Variants in LDB2 observed in about 807,000 individuals in gnomAD.
The protein encoded by LDB2 is LIM domain binding 2.
In LDB2, 12 loss-of-function variants were observed where a neutral mutation model predicts 44.3. The observed-to-expected ratio is 0.27, with a 90% CI of 0.17 to 0.44. The LOEUF is 0.44. Among genes scored for constraint, LDB2 ranks in the 20% least tolerant of loss-of-function variants. LDB2 has a pLI of 1.00. For missense variants in LDB2, 344 were observed against 473.5 expected (o/e 0.73, Z 2.54); for synonymous variants, 164 against 174.8 (o/e 0.94, Z 0.49).
At chr4:16,771,976 CTCT>C (rs1239385856) in intron 1 of LDB2, among the ~76,000 whole-genome samples, 2 of 152,218 alleles carry the variant, frequency 1.3e-5, no homozygotes, top group African/African-American at 2.4e-5. Context: ...ATGGGACTTT[CTCT>C]TCTTCTTTGC....
At chr4:16,695,205 G>A (rs1207620977) in intron 2 of LDB2, among the ~76,000 whole-genome samples, 2 of 152,032 alleles carry the variant, frequency 1.3e-5, no homozygotes, top group Admixed American at 1.3e-4. Context: ...ACAGTTTTTT[G>A]TCAGAGCTCC....
At chr4:16,697,489 C>G (rs1022153351) in intron 2 of LDB2, among the ~76,000 whole-genome samples, 2 of 151,926 alleles carry the variant, frequency 1.3e-5, no homozygotes, top group African/African-American at 2.4e-5. Flanking sequence ...TCCTAAGGCT[C>G]CCTGTGAAAT....
At chr4:16,715,934 T>A (rs1188768510) in intron 2 of LDB2, among the ~76,000 whole-genome samples, 1 of 152,144 alleles carries the variant, frequency 6.6e-6, no homozygotes, top group Non-Finnish European at 1.5e-5. Context: ...GCAGAGTTTA[T>A]AGCTGGGTCC....
intron 2 of LDB2, among the ~76,000 whole-genome samples, chr4:16,644,252 C>A (rs574118221): frequency 6.6e-6 from 1 of 152,130 alleles, no homozygotes; most frequent in African/African-American, 2.4e-5. Flanking sequence ...AGAATGCCAA[C>A]CAGTGTAGAG....
chr4:16,564,973 C>T (rs184016891), intron 5 of LDB2, among the ~76,000 whole-genome samples: 137 of 152,252 alleles, frequency 9.0e-4, no homozygotes, highest in African/African-American at 3.0e-3. Flanking sequence ...CTGAATTTCT[C>T]GTTTGAATCC....
intron 1 of LDB2, among the ~76,000 whole-genome samples, chr4:16,776,277 G>C (rs1009124342): frequency 6.6e-6 from 1 of 152,176 alleles, no homozygotes; most frequent in Non-Finnish European, 1.5e-5. Context: ...CTTCCAAAGA[G>C]GTCCTACCAG....
intron 2 of LDB2, among the ~76,000 whole-genome samples, chr4:16,733,814 A>G (rs1188743826): frequency 6.6e-6 from 1 of 152,220 alleles, no homozygotes; most frequent in African/African-American, 2.4e-5. Flanking sequence ...CATCAAGGCA[A>G]TAATTAACTT....
chr4:16,764,767 C>A (rs1295233195), intron 1 of LDB2, among the ~76,000 whole-genome samples: 1 of 152,174 alleles, frequency 6.6e-6, no homozygotes, highest in Non-Finnish European at 1.5e-5. Context: ...GGAAGTACCA[C>A]AAAAATGGCC....
At chr4:16,608,687 C>A (rs182622527) in intron 2 of LDB2, among the ~76,000 whole-genome samples, 52 of 152,326 alleles carry the variant, frequency 3.4e-4, no homozygotes, top group Non-Finnish European at 6.5e-4. Context: ...TCCCATCATT[C>A]TTCCTTGAAG....
chr4:16,588,943 G>A, intron 3 of LDB2, 111 bp from the exon 4 acceptor site: 1 of 1,125,148 alleles, frequency 8.9e-7, no homozygotes, highest in Non-Finnish European at 1.3e-6. Flanking sequence ...GGCAGTGCTA[G>A]CTCTTGGTAA....
At position 16,650,453 on chromosome 4, in the gene LDB2, T is replaced by C. The variant is rs147249460; in HGVS notation, c.236-54578A>G. ...ATGTTTTGGGTTCCATGTTGTGTGCTGGGGTTACAAAGAATCTGAATTCAG... is the reference window on the plus strand; with the variant it reads ...ATGTTTTGGGTTCCATGTTGTGTGCCGGGGTTACAAAGAATCTGAATTCAG... On this transcript the variant is annotated intron_variant, in intron 2 of 7. Transcript: ENST00000304523. 1.7e-3 allele frequency among the ~76,000 whole-genome samples: 262 copies of C among 152,308 alleles called. 1 individual carries two copies. The highest frequency in any genetic ancestry group is 5.9e-3 in the African/African-American group (247 of 41,570).
chr4:16,619,648 C>A (rs2314093), intron 2 of LDB2, among the ~76,000 whole-genome samples: 59,025 of 151,642 alleles, frequency 0.39, 11,627 homozygotes, highest in East Asian at 0.59. Flanking sequence ...GTAAGCATGG[C>A]CTTGATAACC....
intron 2 of LDB2, among the ~76,000 whole-genome samples, chr4:16,664,264 G>A (rs764345629): frequency 6.6e-6 from 1 of 152,214 alleles, no homozygotes; most frequent in Non-Finnish European, 1.5e-5. Flanking sequence ...AGAAGATACT[G>A]TCTGAACCAG....
At chr4:16,773,564 G>T (rs1771182644) in intron 1 of LDB2, among the ~76,000 whole-genome samples, 2 of 152,116 alleles carry the variant, frequency 1.3e-5, no homozygotes, top group African/African-American at 4.8e-5. Context: ...TGCCACCAGT[G>T]ATCTGACAGG....
intron 7 of LDB2, chr4:16,506,097 C>T: frequency 8.7e-7 from 1 of 1,151,244 alleles, no homozygotes; most frequent in Non-Finnish European, 1.2e-6. Context: ...TGGCACATGC[C>T]TTTGGACCAG....
chr4:16,584,653 C>A (rs1208629206), intron 5 of LDB2, among the ~76,000 whole-genome samples: 1 of 152,224 alleles, frequency 6.6e-6, no homozygotes, highest in Non-Finnish European at 1.5e-5. Flanking sequence ...CAAACCCATA[C>A]ATGATTTCCT....
intron 2 of LDB2, among the ~76,000 whole-genome samples, chr4:16,732,187 C>T (rs1281273547): frequency 1.3e-5 from 2 of 152,180 alleles, no homozygotes; most frequent in South Asian, 2.1e-4. Flanking sequence ...ATGATTTTCA[C>T]ACCCCACCCT....
chr4:16,804,571 T>A (rs2109784725), intron 1 of LDB2, among the ~76,000 whole-genome samples: 1 of 152,294 alleles, frequency 6.6e-6, no homozygotes, highest in South Asian at 2.1e-4. Flanking sequence ...AAGCAGAATA[T>A]AAAGCTCATA....
At chr4:16,727,936 T>C (rs1391264504) in intron 2 of LDB2, among the ~76,000 whole-genome samples, 1 of 152,194 alleles carries the variant, frequency 6.6e-6, no homozygotes, top group Non-Finnish European at 1.5e-5. Flanking sequence ...CAGGAAGGTT[T>C]ACAGTCTAAC....
Sources: gnomAD v4.1 joint callset for allele counts (sites outside exome capture counted in the v4.1 genomes callset) on GRCh38, gnomAD v4.1.1 for gene constraint, MANE v1.5 for transcripts, NCBI Gene and HGNC (gene_info 2026-07-23, HGNC 2026-07-21) for gene names.